Variants in TTC21B observed in about 807,000 individuals in gnomAD.
The protein encoded by TTC21B is tetratricopeptide repeat domain 21B.
A neutral mutation model predicts 175.1 loss-of-function variants in TTC21B; 127 were observed. The observed-to-expected ratio is 0.73, with a 90% CI of 0.63 to 0.84. The LOEUF is 0.84. TTC21B is among the 40% of genes least tolerant of loss of function. The pLI is 0.00. For missense variants in TTC21B, 1,561 were observed against 1,558.3 expected (o/e 1.00, Z -0.03); for synonymous variants, 524 against 524.5 (o/e 1.00, Z 0.01).
In TTC21B at chr2:165,916,231, C is replaced by T. The variant is rs180763122; in HGVS notation, c.1900-792G>A. Among the ~76,000 whole-genome samples the T allele has an allele frequency of 2.6e-3, 392 of 152,224 alleles. 3 individuals are homozygous for T. The highest frequency in any genetic ancestry group is 8.5e-3 in the African/African-American group (353 of 41,540). On this transcript the variant is annotated intron_variant, in intron 14 of 28. Coordinates refer to ENST00000243344, the MANE Select transcript of TTC21B (RefSeq NM_024753.5). ...TGAGCTATGATTGTATCACTGGATG[C>T]CAGCTGAGGAGACAGAGTGAGACCT...
At chr2:165,906,590 C>A (rs1685742597) in intron 19 of TTC21B, among the ~76,000 whole-genome samples, 1 of 151,948 alleles carries the variant, frequency 6.6e-6, no homozygotes, top group African/African-American at 2.4e-5. Context: ...AGTCTGAAAT[C>A]TATTAAAAAC....
At chr2:165,876,773 G>C (rs2105276315) in intron 27 of TTC21B, among the ~76,000 whole-genome samples, 1 of 152,310 alleles carries the variant, frequency 6.6e-6, no homozygotes, top group South Asian at 2.1e-4. Context: ...AACCTGAAGG[G>C]TATCAAGAGA....
At chr2:165,936,846 G>T (rs983620247) in intron 6 of TTC21B, among the ~76,000 whole-genome samples, 3 of 152,044 alleles carry the variant, frequency 2.0e-5, no homozygotes, top group African/African-American at 7.2e-5. Flanking sequence ...ATTCATTGCT[G>T]GTGGGAACAT....
At chr2:165,883,236 A>G (rs1224214517) in intron 26 of TTC21B, among the ~76,000 whole-genome samples, 1 of 152,180 alleles carries the variant, frequency 6.6e-6, no homozygotes, top group Non-Finnish European at 1.5e-5. Context: ...ATCTTTTGTA[A>G]TTAAACATCA....
At chr2:165,885,928 T>C (rs1389268902) in intron 25 of TTC21B, among the ~76,000 whole-genome samples, 2 of 152,250 alleles carry the variant, frequency 1.3e-5, no homozygotes. Context: ...ACAATACAGC[T>C]GTTATTATAA....
At chr2:165,934,638 T>C (rs1687058393) in intron 6 of TTC21B, 1 of 141,524 alleles carries the variant, frequency 7.1e-6, no homozygotes, top group East Asian at 2.2e-4. Context: ...ACCAGTTATA[T>C]ACCAAAGAAA....
chr2:165,886,868 A>G (rs1319566637), intron 25 of TTC21B, among the ~76,000 whole-genome samples: 2 of 152,182 alleles, frequency 1.3e-5, no homozygotes, highest in Non-Finnish European at 2.9e-5. Flanking sequence ...TTAGATGTAC[A>G]TGATTGCCCT....
intron 6 of TTC21B, among the ~76,000 whole-genome samples, chr2:165,940,499 C>T (rs1327241477): frequency 1.3e-5 from 2 of 152,148 alleles, no homozygotes; most frequent in Non-Finnish European, 2.9e-5. Flanking sequence ...ACTCCTCAAA[C>T]ATATGACATG....
intron 15 of TTC21B, among the ~76,000 whole-genome samples, chr2:165,914,654 A>AGTGTGTGTGTGTGTGTGTGTGTGTGT (rs1553511255): frequency 5.9e-5 from 1 of 17,080 alleles, no homozygotes; most frequent in South Asian, 1.5e-3. Context: ...GAGGAAGAGC[A>AGTGTGTGTGTGTGTGTGTGTGTGTGT]ATCTGTGTGT....
chr2:165,925,781 G>T (rs986839433), intron 11 of TTC21B, among the ~76,000 whole-genome samples: 2 of 152,064 alleles, frequency 1.3e-5, no homozygotes, highest in African/African-American at 2.4e-5. Context: ...GGGTTTTTAT[G>T]TGTCTTGAAG....
chr2:165,943,347 A>C lies in TTC21B; in HGVS notation c.430-6T>G, dbSNP rs554154931. 3.4e-5 allele frequency: 55 copies of C among 1,595,648 alleles called. No homozygotes were observed. The East Asian group carries it at 1.1e-3, about 32-fold the overall frequency. ...CATGCTTTCAAAACGTGTCCCTGTA[A>C]AATGAATAATTCTATTTTTACTTTT... is the stretch of plus-strand genomic sequence containing the variant. On this transcript the variant is annotated splice_region_variant and splice_polypyrimidine_tract_variant and intron_variant, in intron 4 of 28. Transcript: ENST00000243344.
chr2:165,943,904 G>A (rs1232733412), intron 4 of TTC21B, among the ~76,000 whole-genome samples: 5 of 152,026 alleles, frequency 3.3e-5, no homozygotes, highest in African/African-American at 7.2e-5. Context: ...TTAGTGGGCC[G>A]ATGGGTTGTA....
chr2:165,911,191 A>C (rs1685919561), intron 18 of TTC21B, 136 bp downstream of exon 18: 1 of 1,072,470 alleles, frequency 9.3e-7, no homozygotes. Flanking sequence ...GCATTCTGAT[A>C]AAAGAAAAAA....
intron 22 of TTC21B, among the ~76,000 whole-genome samples, chr2:165,896,455 G>T (rs1685368932): frequency 6.6e-6 from 1 of 151,996 alleles, no homozygotes; most frequent in South Asian, 2.1e-4. Flanking sequence ...TCCATTCTAT[G>T]ATTTGTAGTT....
chr2:165,876,121 T>C, intron 28 of TTC21B, 44 bp downstream of exon 28: 1 of 1,138,372 alleles, frequency 8.8e-7, no homozygotes. Flanking sequence ...AGTAGGAAAT[T>C]GTGCATCTGA....
At chr2:165,940,253 C>G (rs1687317581) in intron 6 of TTC21B, among the ~76,000 whole-genome samples, 1 of 152,168 alleles carries the variant, frequency 6.6e-6, no homozygotes, top group South Asian at 2.1e-4. Context: ...AAGGTTCTCC[C>G]TGCTTCTGCC....
chr2:165,934,497 T>C (rs1687041032), intron 6 of TTC21B, among the ~76,000 whole-genome samples: 3 of 66,916 alleles, frequency 4.5e-5, no homozygotes, highest in Non-Finnish European at 7.6e-5. Flanking sequence ...CGAGACTCTG[T>C]CTCAAAAAAA....
rs929707223 is a variant in TTC21B at position 165,949,080 on chromosome 2, A to G, written c.262+314T>C. On this transcript the variant is annotated intron_variant, in intron 3 of 28. Transcript: ENST00000243344. ...GGCTGCTGCAGAGCAATTTATGTAC[A>G]TACGGTACCTGTTTCTTTGGCTGTC... 2.7e-5 allele frequency: 9 copies of G among 337,582 alleles called. No individual in the cohort carries two copies. In the Admixed American group the frequency reaches 4.2e-4, roughly 16 times the overall value. The allele number at this position is 337,582 out of a possible 1,614,324, so 20.9% of individuals were successfully genotyped here.
chr2:165,912,736 G>A (rs886465426), intron 16 of TTC21B, 112 bp from the exon 17 acceptor site: 22 of 847,674 alleles, frequency 2.6e-5, no homozygotes, highest in Non-Finnish European at 4.0e-5. Context: ...CATAAGACTT[G>A]GCATATATTA....
Sources: allele counts gnomAD v4.1 joint callset (sites outside exome capture counted in the v4.1 genomes callset), GRCh38; gene constraint gnomAD v4.1.1; transcripts MANE v1.5; gene names NCBI Gene and HGNC (gene_info 2026-07-23, HGNC 2026-07-21).